DHTKD1: variants seen among roughly 807,000 people sequenced by gnomAD.
DHTKD1 encodes the protein dehydrogenase E1 and transketolase domain containing 1, also known as 2-oxoadipate dehydrogenase complex component E1.
In DHTKD1, 78 loss-of-function variants were observed where a neutral mutation model predicts 101.8. That is an observed-to-expected ratio of 0.77 (90% CI 0.64 to 0.93). DHTKD1 has a LOEUF of 0.93. Among genes scored for constraint, DHTKD1 ranks in the 40% least tolerant of loss-of-function variants. The pLI is 0.00. For missense variants in DHTKD1, 1,223 were observed against 1,161.7 expected (o/e 1.05, Z -0.77); for synonymous variants, 462 against 450.3 (o/e 1.03, Z -0.33).
chr10:12,077,342 T>C (rs1832749959), intron 1 of DHTKD1, among the ~76,000 whole-genome samples: 1 of 151,942 alleles, frequency 6.6e-6, no homozygotes. Context: ...ATTCTCCTAC[T>C]TCATCTTCCT....
intron 1 of DHTKD1, among the ~76,000 whole-genome samples, chr10:12,074,529 G>GTT (rs552495995): frequency 6.8e-6 from 1 of 146,318 alleles, no homozygotes. Flanking sequence ...CTAATTTTTT[G>GTT]TTTTTTTTTT....
At chr10:12,091,284 T>C (rs1832985607) in intron 5 of DHTKD1, among the ~76,000 whole-genome samples, 1 of 149,784 alleles carries the variant, frequency 6.7e-6, no homozygotes, top group Admixed American at 6.7e-5. Context: ...TGGTGGTGCA[T>C]GCCTATAATC....
chr10:12,091,351 G>T (rs1832986385), intron 5 of DHTKD1, among the ~76,000 whole-genome samples, 162 bp from the exon 6 acceptor site: 1 of 134,958 alleles, frequency 7.4e-6, no homozygotes, highest in Admixed American at 8.9e-5. Context: ...GGCAGAGGAT[G>T]CAGTGAGCTG....
intron 12 of DHTKD1, 98 bp from the exon 13 acceptor site, chr10:12,112,802 T>C: frequency 8.2e-7 from 1 of 1,224,946 alleles, no homozygotes; most frequent in Non-Finnish European, 1.1e-6. Flanking sequence ...TCTGCTATAA[T>C]CAAGAACACC....
chr10:12,073,505 C>T lies in DHTKD1; in HGVS notation c.154+4318C>T, dbSNP rs572167412. ...GGGACTACAGGTGCTCACCACCATG[C>T]CTGGCTAATTTTTGTATTTTTAGTA... On this transcript the variant is annotated intron_variant, in intron 1 of 16. Coordinates refer to ENST00000263035, the MANE Select transcript of DHTKD1 (RefSeq NM_018706.7). Among the ~76,000 whole-genome samples, 6 of 152,122 alleles carry T rather than the reference C, an allele frequency of 3.9e-5. No individual in the cohort carries two copies. The South Asian group carries it at 8.3e-4, about 21-fold the overall frequency.
intron 1 of DHTKD1, among the ~76,000 whole-genome samples, chr10:12,074,106 A>C (rs540210269): frequency 1.3e-3 from 197 of 152,358 alleles, no homozygotes; most frequent in South Asian, 3.9e-3. Flanking sequence ...TATTACGCCT[A>C]ACGTAAAGGT....
chr10:12,104,326 G>A (rs1314875459), intron 10 of DHTKD1, among the ~76,000 whole-genome samples: 1 of 152,028 alleles, frequency 6.6e-6, no homozygotes, highest in Non-Finnish European at 1.5e-5. Context: ...CTGCAGGTGT[G>A]CGCCACCAGG....
rs950995889 is a variant in DHTKD1 at position 12,103,894 on chromosome 10, G to A, written c.1897-2352G>A. ...ATTCAACCTCTCAGTGTGTACACTT[G>A]AGCAGTTTGTAGTCTATTCACAGAG... On this transcript the variant is annotated intron_variant, in intron 10 of 16. Coordinates refer to ENST00000263035, the MANE Select transcript of DHTKD1 (RefSeq NM_018706.7). The surrounding 1 kb of genome is among the most constrained non-coding windows in gnomAD (Gnocchi z 4.8). Among the ~76,000 whole-genome samples, 3 of 152,104 alleles carry A rather than the reference G, an allele frequency of 2.0e-5. No homozygotes were observed. The highest frequency in any genetic ancestry group is 7.2e-5 in the African/African-American group (3 of 41,428).
At chr10:12,116,656 G>C in intron 13 of DHTKD1, among the ~76,000 whole-genome samples, 1 of 151,604 alleles carries the variant, frequency 6.6e-6, no homozygotes. Flanking sequence ...CTCCCAAAGT[G>C]CTGGGATTAT....
chr10:12,084,305 ATT>A (rs201178846), intron 2 of DHTKD1, among the ~76,000 whole-genome samples: 8 of 118,318 alleles, frequency 6.8e-5, no homozygotes, highest in Non-Finnish European at 6.0e-5. Flanking sequence ...TTGCCACATG[ATT>A]TTTTTTTTTT....
In DHTKD1 at chr10:12,080,061, A is replaced by G. The variant is rs113290358; in HGVS notation, c.155-1411A>G. Among the ~76,000 whole-genome samples, 35 of 152,158 alleles carry G rather than the reference A, an allele frequency of 2.3e-4. 1 individual carries two copies. The highest frequency in any genetic ancestry group is 7.9e-4 in the African/African-American group (33 of 41,532). Reference sequence around the variant, plus strand: ...TTTGGGAGGCCGAGGTGGGTGGATCATGGCATCAGGAGATCGAGACCATCC... The same window carrying G: ...TTTGGGAGGCCGAGGTGGGTGGATCGTGGCATCAGGAGATCGAGACCATCC... On this transcript the variant is annotated intron_variant, in intron 1 of 16. Transcript: ENST00000263035.
Position 12,107,963 on chromosome 10 carries a change from A to C in DHTKD1, c.2102A>C (p.Tyr701Ser). ...ATCGTCATCCTCCTTCCACATGGCT[A>C]CGATGGGGCTGGGCCAGACCACTCA... ...SGIVILLPHGYDGAGPDHSSC... is the reference protein window; with the variant it reads ...SGIVILLPHGSDGAGPDHSSC... Residue 701 changes from tyrosine (Y) to serine (S), a missense_variant, in exon 12 of 17, where the codon TAC (tyrosine) becomes TCC (serine). By Grantham distance (144) the Tyr-to-Ser change is moderately radical. Coordinates refer to ENST00000263035, the MANE Select transcript of DHTKD1 (RefSeq NM_018706.7). This position sits in a 1 kb window ranked among gnomAD's most constrained non-coding sequence, Gnocchi z 4.1. 6.2e-7 allele frequency: 1 copy of C among 1,614,086 alleles called. No individual in the cohort carries two copies. The highest frequency in any genetic ancestry group is 8.5e-7 in the Non-Finnish European group (1 of 1,179,966).
chr10:12,110,663 T>G lies in DHTKD1; in HGVS notation c.2155-2237T>G, dbSNP rs1430773830. Among the ~76,000 whole-genome samples, 3 of 152,108 alleles carry G rather than the reference T, an allele frequency of 2.0e-5. No individual in the cohort carries two copies. The highest frequency in any genetic ancestry group is 4.4e-5 in the Non-Finnish European group (3 of 68,020). On this transcript the variant is annotated intron_variant, in intron 12 of 16. Transcript: ENST00000263035. This position sits in a 1 kb window ranked among gnomAD's most constrained non-coding sequence, Gnocchi z 4.9. ...TTTTTGGGGAAGAGAACATTTAAAATCTATCCTCTTAGTAATTTTCAGGTA... is the reference window on the plus strand; with the variant it reads ...TTTTTGGGGAAGAGAACATTTAAAAGCTATCCTCTTAGTAATTTTCAGGTA...
intron 3 of DHTKD1, among the ~76,000 whole-genome samples, chr10:12,085,058 A>G (rs1447528986): frequency 6.6e-6 from 1 of 152,088 alleles, no homozygotes; most frequent in Non-Finnish European, 1.5e-5. Flanking sequence ...TCTCAAAAAA[A>G]AAGGAGCATT....
chr10:12,078,682 T>C, intron 1 of DHTKD1, among the ~76,000 whole-genome samples: 1 of 152,194 alleles, frequency 6.6e-6, no homozygotes, highest in Non-Finnish European at 1.5e-5. Flanking sequence ...GGGGATGTTT[T>C]CTTTTTTCTT....
chr10:12,089,198 C>T lies in DHTKD1; in HGVS notation c.930C>T (p.Asp310=), dbSNP rs149203530. The stretch of plus-strand genomic sequence containing the variant: ...GCGGCAGGCAGCAGTCTCGCCAAGA[C>T]GGCGATTACTCTCCAGACAACTCAG... ...KTRGRQQSRQ[D]GDYSPDNSAQ... The change falls in exon 5 of 17, where the codon GAC becomes GAT. Residue 310 remains aspartate (D), a synonymous_variant. Transcript: ENST00000263035. 107 of 1,614,022 alleles carry T rather than the reference C, an allele frequency of 6.6e-5. No individual in the cohort carries two copies. The highest frequency in any genetic ancestry group is 5.8e-4 in the East Asian group (26 of 44,900).
intron 5 of DHTKD1, among the ~76,000 whole-genome samples, chr10:12,089,703 CT>C (rs1832958382): frequency 6.6e-6 from 1 of 151,908 alleles, no homozygotes; most frequent in Non-Finnish European, 1.5e-5. Flanking sequence ...CCGAGTCTCA[CT>C]CTGTCACTCA....
At position 12,106,279 on chromosome 10, in the gene DHTKD1, C is replaced by T. The variant is rs1312752187; in HGVS notation, c.1930C>T (p.Leu644=). 6.2e-7 allele frequency: 1 copy of T among 1,613,988 alleles called. No individual in the cohort carries two copies. Among genetic ancestry groups the T allele is most frequent in the African/African-American group, 1.3e-5 (1 of 74,924 alleles). Residue 644 remains leucine (L), a synonymous_variant, in exon 11 of 17, where the codon CTG becomes TTG. Transcript: ENST00000263035. Reference sequence around the variant, plus strand: ...CAGCCCACTGTCAGAAGAGGCCGTCCTGGGATTTGAATATGGGATGAGCAT... The same window carrying T: ...CAGCCCACTGTCAGAAGAGGCCGTCTTGGGATTTGAATATGGGATGAGCAT... ...SNSPLSEEAV[L]GFEYGMSIES... is the part of the protein sequence containing the mutation.
intron 1 of DHTKD1, among the ~76,000 whole-genome samples, chr10:12,080,162 C>A (rs1040853064): frequency 6.6e-6 from 1 of 151,486 alleles, no homozygotes; most frequent in Non-Finnish European, 1.5e-5. Flanking sequence ...TGCCTGTGGG[C>A]GCCTGTAGGC....
Sources: gnomAD v4.1 joint callset for allele counts (sites outside exome capture counted in the v4.1 genomes callset) on GRCh38, gnomAD v4.1.1 for gene constraint, Gnocchi (gnomAD v3.1) non-coding constraint, MANE v1.5 for transcripts, NCBI Gene and HGNC (gene_info 2026-07-23, HGNC 2026-07-21) for gene names.